Variants in NMNAT2 observed in about 807,000 individuals in gnomAD.
NMNAT2 encodes nicotinamide nucleotide adenylyltransferase 2.
In NMNAT2, 11 loss-of-function variants were observed where a neutral mutation model predicts 41.6. That is an observed-to-expected ratio of 0.26 (90% CI 0.17 to 0.44). The LOEUF (loss-of-function observed/expected upper bound fraction) is 0.44, where lower values mean the gene tolerates loss of function less well. Ranked by LOEUF, NMNAT2 falls within the 20% of genes least tolerant of loss-of-function variation. NMNAT2 has a pLI of 1.00. For missense variants in NMNAT2, 288 were observed against 407.7 expected (o/e 0.71, Z 2.53); for synonymous variants, 148 against 151.2 (o/e 0.98, Z 0.16).
At chr1:183,400,651 T>C (rs1214711895) in intron 1 of NMNAT2, among the ~76,000 whole-genome samples, 3 of 152,170 alleles carry the variant, frequency 2.0e-5, no homozygotes, top group Admixed American at 6.6e-5. Flanking sequence ...TCATGCTACC[T>C]GACTTCACAC....
chr1:183,293,480 C>T (rs185204928), intron 2 of NMNAT2, among the ~76,000 whole-genome samples: 10 of 152,334 alleles, frequency 6.6e-5, no homozygotes, highest in South Asian at 2.1e-4. Flanking sequence ...AGTGGCTCTA[C>T]GGTCATGGAC....
intron 1 of NMNAT2, among the ~76,000 whole-genome samples, chr1:183,381,634 T>C (rs531948804): frequency 6.6e-6 from 1 of 152,036 alleles, no homozygotes; most frequent in Non-Finnish European, 1.5e-5. Flanking sequence ...GAAGAAGAGG[T>C]TCCAGTGAGC....
At chr1:183,402,583 A>C (rs1301993885) in intron 1 of NMNAT2, among the ~76,000 whole-genome samples, 8 of 152,152 alleles carry the variant, frequency 5.3e-5, no homozygotes, top group African/African-American at 1.7e-4. Flanking sequence ...ATTCTGACCC[A>C]TTTGATTATT....
intron 2 of NMNAT2, 82 bp from the exon 3 acceptor site, chr1:183,292,939 T>C: frequency 7.7e-7 from 1 of 1,305,168 alleles, no homozygotes; most frequent in Non-Finnish European, 1.1e-6. Context: ...GCCCACCCAT[T>C]GTTAAAGTGC....
At chr1:183,261,726 T>C (rs562155618) in intron 8 of NMNAT2, among the ~76,000 whole-genome samples, 1 of 152,266 alleles carries the variant, frequency 6.6e-6, no homozygotes, top group South Asian at 2.1e-4. Context: ...ATGGACGTCA[T>C]GAGAGGGACT....
rs1256176870 is a variant in NMNAT2, at chr1:183,323,467, A to G, written c.86-29674T>C. Among the ~76,000 whole-genome samples the G allele has an allele frequency of 2.6e-5, 4 of 152,354 alleles. No individual in the cohort carries two copies. The East Asian group carries it at 7.7e-4, about 29-fold the overall frequency. On this transcript the variant is annotated intron_variant, in intron 1 of 10. Transcript: ENST00000287713. ...AGTGACCCTATGTCTTGTTTGGGCAACCAAAGGGTAGAGCTTACAGAATGG... is the reference window on the plus strand; with the variant it reads ...AGTGACCCTATGTCTTGTTTGGGCAGCCAAAGGGTAGAGCTTACAGAATGG...
chr1:183,414,324 C>T (rs116321841), intron 1 of NMNAT2, among the ~76,000 whole-genome samples: 304 of 152,224 alleles, frequency 2.0e-3, no homozygotes, highest in African/African-American at 7.0e-3. Context: ...TGATGAAATT[C>T]CCCAATTCCT....
intron 6 of NMNAT2, among the ~76,000 whole-genome samples, chr1:183,284,289 G>A (rs1430063776): frequency 6.6e-6 from 1 of 152,214 alleles, no homozygotes; most frequent in Non-Finnish European, 1.5e-5. Flanking sequence ...CCTGGCTGGG[G>A]AGCCAATGCC....
intron 4 of NMNAT2, among the ~76,000 whole-genome samples, chr1:183,289,668 C>T (rs1436266060): frequency 6.6e-6 from 1 of 152,194 alleles, no homozygotes; most frequent in African/African-American, 2.4e-5. Flanking sequence ...AGTGCCCCAG[C>T]CACAGCAGCC....
At chr1:183,369,277 ATTAT>A (rs1663481012) in intron 1 of NMNAT2, among the ~76,000 whole-genome samples, 2 of 72,012 alleles carry the variant, frequency 2.8e-5, no homozygotes, top group Non-Finnish European at 3.0e-5. Context: ...TTTTTTTTTT[ATTAT>A]TTATTTATTT....
intron 1 of NMNAT2, among the ~76,000 whole-genome samples, chr1:183,416,047 C>T (rs921499909): frequency 6.6e-6 from 1 of 152,232 alleles, no homozygotes; most frequent in Non-Finnish European, 1.5e-5. Context: ...AGTCTCCTTT[C>T]ACCTTTCTAT....
At chr1:183,323,617 C>T (rs1662400701) in intron 1 of NMNAT2, among the ~76,000 whole-genome samples, 1 of 152,220 alleles carries the variant, frequency 6.6e-6, no homozygotes, top group South Asian at 2.1e-4. Context: ...CCACTACCCT[C>T]TGCAACTCTG....
At chr1:183,349,383 G>T (rs1414542834) in intron 1 of NMNAT2, among the ~76,000 whole-genome samples, 1 of 152,242 alleles carries the variant, frequency 6.6e-6, no homozygotes, top group Non-Finnish European at 1.5e-5. Context: ...ATCCTTAAAT[G>T]GTCATAGACA....
At chr1:183,306,878 C>G (rs1257504851) in intron 1 of NMNAT2, among the ~76,000 whole-genome samples, 1 of 152,228 alleles carries the variant, frequency 6.6e-6, no homozygotes, top group East Asian at 1.9e-4. Context: ...AACTCTCATC[C>G]CTAGGCTGGA....
intron 8 of NMNAT2, 43 bp downstream of exon 8, chr1:183,278,510 T>C: frequency 7.1e-7 from 1 of 1,400,646 alleles, no homozygotes; most frequent in Middle Eastern, 1.8e-4. Flanking sequence ...TTCCCATCCC[T>C]CCCAGTCCCA....
chr1:183,413,906 CTA>C, intron 1 of NMNAT2, among the ~76,000 whole-genome samples: 2 of 152,262 alleles, frequency 1.3e-5, no homozygotes, highest in Non-Finnish European at 2.9e-5. Context: ...CGCGCCCGGC[CTA>C]GAAATATTAA....
chr1:183,395,379 A>G (rs777330267), intron 1 of NMNAT2, among the ~76,000 whole-genome samples: 5 of 151,822 alleles, frequency 3.3e-5, no homozygotes, highest in Non-Finnish European at 5.9e-5. Flanking sequence ...GTCAAGGAAG[A>G]TAAGTCGGGG....
At chr1:183,362,619 G>A (rs768657407) in intron 1 of NMNAT2, among the ~76,000 whole-genome samples, 1 of 152,100 alleles carries the variant, frequency 6.6e-6, no homozygotes, top group African/African-American at 2.4e-5. Context: ...TCATTTTTAT[G>A]GCTGAATAAT....
chr1:183,304,607 C>T, intron 1 of NMNAT2: 1 of 1,458,264 alleles, frequency 6.9e-7, no homozygotes. Flanking sequence ...TTTTCTTGAC[C>T]ATCTGCACCT....
Sources: gnomAD v4.1 joint callset for allele counts (sites outside exome capture counted in the v4.1 genomes callset) on GRCh38, gnomAD v4.1.1 for gene constraint, MANE v1.5 for transcripts, NCBI Gene and HGNC (gene_info 2026-07-23, HGNC 2026-07-21) for gene names.